ABTB3: variants seen among roughly 807,000 people sequenced by gnomAD.
ABTB3 encodes the protein ankyrin repeat- and BTB/POZ domain-containing protein 3.
chr12:107,469,876 T>TTCTTTTTC, the ABTB3 span, among the ~76,000 whole-genome samples: 1 of 96,868 alleles, frequency 1.0e-5, no homozygotes, highest in African/African-American at 4.9e-5. Context: ...TTTTCTTTCT[T>TTCTTTTTC]TCTTTCTTTC....
At chr12:107,441,971 A>AG in the ABTB3 span, among the ~76,000 whole-genome samples, 1 of 151,996 alleles carries the variant, frequency 6.6e-6, no homozygotes, top group Non-Finnish European at 1.5e-5. Flanking sequence ...GGAAAAAAAA[A>AG]GTGTCATCTG....
chr12:107,633,308 C>T, the ABTB3 span, among the ~76,000 whole-genome samples: 22 of 152,240 alleles, frequency 1.4e-4, no homozygotes, highest in Admixed American at 5.2e-4. Context: ...ACCGAGTCTG[C>T]GGGCACGCTG....
chr12:107,485,086 T>C, the ABTB3 span, among the ~76,000 whole-genome samples: 1 of 152,150 alleles, frequency 6.6e-6, no homozygotes, highest in Non-Finnish European at 1.5e-5. Flanking sequence ...AGCTGATAGA[T>C]TACATTATCT....
At chr12:107,413,390 C>A in the ABTB3 span, among the ~76,000 whole-genome samples, 6 of 152,172 alleles carry the variant, frequency 3.9e-5, no homozygotes, top group African/African-American at 1.4e-4. Flanking sequence ...CCTAAGGCCA[C>A]ACAGCTCACA....
the ABTB3 span, chr12:107,520,653 T>C: frequency 6.2e-7 from 1 of 1,613,522 alleles, no homozygotes; most frequent in Non-Finnish European, 8.5e-7. Context: ...AGATGTTGGT[T>C]CTCCAGCTCT....
At chr12:107,544,186 A>G in the ABTB3 span, 1 of 1,576,966 alleles carries the variant, frequency 6.3e-7, no homozygotes, top group Non-Finnish European at 8.7e-7. Context: ...TACTGCCTCC[A>G]GGGTGGGGCA....
At chr12:107,437,493 T>C in the ABTB3 span, among the ~76,000 whole-genome samples, 2 of 151,914 alleles carry the variant, frequency 1.3e-5, no homozygotes, top group East Asian at 3.9e-4. Context: ...GCCTCCTGGG[T>C]TCAAGAGATT....
chr12:107,462,052 G>T, the ABTB3 span, among the ~76,000 whole-genome samples: 22 of 152,254 alleles, frequency 1.4e-4, no homozygotes, highest in African/African-American at 5.3e-4. Context: ...GTTTTCCTTT[G>T]GGGTCCCTGG....
At chr12:107,564,130 G>T in the ABTB3 span, among the ~76,000 whole-genome samples, 1 of 150,728 alleles carries the variant, frequency 6.6e-6, no homozygotes, top group East Asian at 1.9e-4. Context: ...GTGTGTGTGT[G>T]TGTGTGTTTG....
chr12:107,634,968 G>C, the ABTB3 span: 1 of 209,432 alleles, frequency 4.8e-6, no homozygotes, highest in Non-Finnish European at 9.4e-6. Context: ...GGTGGGTTTG[G>C]GGTAAAAACT....
the ABTB3 span, among the ~76,000 whole-genome samples, chr12:107,559,733 C>T: frequency 8.1e-4 from 123 of 152,338 alleles, 1 homozygote; most frequent in African/African-American, 2.7e-3. Context: ...AACAAACCCT[C>T]TACAGGTATA....
the ABTB3 span, chr12:107,617,463 G>C: frequency 6.2e-7 from 1 of 1,610,468 alleles, no homozygotes; most frequent in African/African-American, 1.3e-5. Flanking sequence ...CAAAGCCAGA[G>C]GTCCCGAGTG....
chr12:107,428,405 G>A, the ABTB3 span, among the ~76,000 whole-genome samples: 12 of 152,286 alleles, frequency 7.9e-5, no homozygotes, highest in African/African-American at 2.9e-4. Flanking sequence ...CCTGGAGCAT[G>A]TTCAGCCTCA....
the ABTB3 span, among the ~76,000 whole-genome samples, chr12:107,608,932 TA>T: frequency 4.5e-3 from 395 of 87,390 alleles, 2 homozygotes; most frequent in East Asian, 8.7e-3. Flanking sequence ...TAAAATAAAA[TA>T]AAATAAAATA....
At chr12:107,446,710 A>T in the ABTB3 span, among the ~76,000 whole-genome samples, 1 of 152,148 alleles carries the variant, frequency 6.6e-6, no homozygotes, top group South Asian at 2.1e-4. Flanking sequence ...GGAGAAAAGA[A>T]TCATTACAGT....
At chr12:107,616,943 A>G in the ABTB3 span, 1 of 733,264 alleles carries the variant, frequency 1.4e-6, no homozygotes, top group Non-Finnish European at 2.4e-6. Context: ...CCTCCAGGGT[A>G]CAGTTGCCCT....
the ABTB3 span, among the ~76,000 whole-genome samples, chr12:107,482,913 CTTCTTTCTTTCTTTCTTTCTTTCT>C: frequency 1.4e-3 from 171 of 118,062 alleles, 2 homozygotes; most frequent in African/African-American, 4.7e-3. Context: ...TCTCTTTCTT[CTTCTTTCTTTCTTTCTTTCTTTCT>C]TTCTTTCTTT....
the ABTB3 span, among the ~76,000 whole-genome samples, chr12:107,555,617 GCTGCA>G: frequency 6.6e-6 from 1 of 152,196 alleles, no homozygotes; most frequent in East Asian, 1.9e-4. Context: ...AGGAACCAGA[GCTGCA>G]CTGTCCAGCA....
chr12:107,581,428 G>A, the ABTB3 span: 11 of 764,478 alleles, frequency 1.4e-5, no homozygotes, highest in Non-Finnish European at 2.0e-5. Flanking sequence ...CGCTGGGGTG[G>A]AGGCTCCCTG....
Sources: allele counts gnomAD v4.1 joint callset (sites outside exome capture counted in the v4.1 genomes callset), GRCh38; gene constraint gnomAD v4.1.1; transcripts MANE v1.5; gene names NCBI Gene and HGNC (gene_info 2026-07-23, HGNC 2026-07-21).